Variants in DOCK1 observed in about 807,000 individuals in gnomAD.
DOCK1 encodes the protein dedicator of cytokinesis protein 1.
Under a neutral mutation model 262.7 loss-of-function variants are expected in DOCK1, and 138 were observed. The ratio of observed to expected loss-of-function variants is 0.53; its 90% CI spans 0.46 to 0.61. The LOEUF (loss-of-function observed/expected upper bound fraction) is 0.61. DOCK1 is among the 20% of genes least tolerant of loss of function. The probability of loss-of-function intolerance (pLI) is 0.00; values close to 1 mark genes in which losing one functional copy is unlikely to be tolerated. For missense variants in DOCK1, 1,908 were observed against 2,370.7 expected (o/e 0.80, Z 4.05); for synonymous variants, 866 against 867.4 (o/e 1.00, Z 0.03).
In DOCK1 at chr10:126,905,449, GA is replaced by G. The variant is rs2030541298; in HGVS notation, c.-66del. 2 of 469,262 alleles carry G rather than the reference GA, an allele frequency of 4.3e-6. No individual in the cohort carries two copies. The highest frequency in any genetic ancestry group is 3.9e-6 in the Non-Finnish European group (1 of 254,370). The allele number at this position is 469,262 out of a possible 1,614,324, so 29.1% of individuals were successfully genotyped here. A position where few individuals can be genotyped will look rare whatever the true frequency, so the allele number is the denominator to read the frequency against. The stretch of plus-strand genomic sequence containing the variant: ...TTTCCTCCCCATCCTGTCGCGGCTC[GA>G]AAGGAATGGAAAATGGCGGCCTAGA... On this transcript the variant is annotated 5_prime_UTR_variant, in exon 1 of 52. Coordinates refer to ENST00000623213, the MANE Select transcript of DOCK1 (RefSeq NM_001290223.2).
At chr10:127,235,632 C>T (rs796522418) in intron 27 of DOCK1, among the ~76,000 whole-genome samples, 8 of 152,152 alleles carry the variant, frequency 5.3e-5, no homozygotes, top group African/African-American at 1.9e-4. Flanking sequence ...TTTCATTTCT[C>T]TTGGGTGAAT....
chr10:127,244,697 T>C (rs2059374942), intron 27 of DOCK1, among the ~76,000 whole-genome samples: 1 of 152,220 alleles, frequency 6.6e-6, no homozygotes, highest in South Asian at 2.1e-4. Context: ...AAGTATATCC[T>C]GACTTCTGTG....
intron 23 of DOCK1, among the ~76,000 whole-genome samples, chr10:127,077,953 G>T (rs973751065): frequency 2.0e-5 from 3 of 152,032 alleles, no homozygotes; most frequent in Non-Finnish European, 2.9e-5. Context: ...AGGTGGTGGG[G>T]ATGGGTTGTT....
At chr10:127,222,958 T>G (rs1360391554) in intron 27 of DOCK1, among the ~76,000 whole-genome samples, 1 of 152,176 alleles carries the variant, frequency 6.6e-6, no homozygotes, top group Non-Finnish European at 1.5e-5. Flanking sequence ...ATTATAGGTG[T>G]GAGCCGCTGT....
At chr10:127,205,456 C>A (rs1468170389) in intron 27 of DOCK1, among the ~76,000 whole-genome samples, 5 of 152,114 alleles carry the variant, frequency 3.3e-5, no homozygotes, top group Admixed American at 6.5e-5. Flanking sequence ...TTTTACAGAA[C>A]CTCTACTGAG....
At chr10:127,275,681 G>T (rs1370286490) in intron 29 of DOCK1, among the ~76,000 whole-genome samples, 2 of 152,162 alleles carry the variant, frequency 1.3e-5, no homozygotes, top group Non-Finnish European at 2.9e-5. Context: ...GGAGGGGCTG[G>T]CCTGGAGAGG....
At chr10:126,949,242 C>G (rs1244429476) in intron 1 of DOCK1, among the ~76,000 whole-genome samples, 2 of 152,120 alleles carry the variant, frequency 1.3e-5, no homozygotes, top group African/African-American at 2.4e-5. Flanking sequence ...CCAGCTCCTG[C>G]TCTCCTGCAG....
In DOCK1 at chr10:127,032,235, C is replaced by G; in HGVS notation, c.1827C>G (p.Ser609Arg). 6.2e-7 allele frequency: 1 copy of G among 1,601,148 alleles called. No individual in the cohort carries two copies. Among genetic ancestry groups the G allele is most frequent in the Non-Finnish European group, 8.5e-7 (1 of 1,173,830 alleles). The change falls in exon 18 of 52, where the codon AGC becomes AGG. Residue 609 changes from serine to arginine, a missense_variant. Physicochemically the swap from Ser to Arg is moderately radical, Grantham distance 110. Coordinates refer to ENST00000623213, the MANE Select transcript of DOCK1 (RefSeq NM_001290223.2). ...AGGGCCACTCGGCCACCGGCAAGAG[C>G]ATGCAGAGCCTTGGGAGCTGCACCA... ...EEKGHSATGKSMQSLGSCTIS... is the reference protein window; with the variant it reads ...EEKGHSATGKRMQSLGSCTIS...
At chr10:127,376,133 C>A (rs1432719667) in intron 35 of DOCK1, among the ~76,000 whole-genome samples, 2 of 152,116 alleles carry the variant, frequency 1.3e-5, no homozygotes, top group East Asian at 3.8e-4. Context: ...AATCATCAGA[C>A]CTGCAATTTA....
At chr10:127,173,895 G>A (rs545862825) in intron 27 of DOCK1, among the ~76,000 whole-genome samples, 4 of 152,160 alleles carry the variant, frequency 2.6e-5, no homozygotes, top group African/African-American at 7.2e-5. Flanking sequence ...TGTACATTTG[G>A]CTGGCAGTTC....
chr10:127,378,040 A>G (rs1182676882), intron 35 of DOCK1, among the ~76,000 whole-genome samples: 2 of 152,218 alleles, frequency 1.3e-5, no homozygotes, highest in African/African-American at 4.8e-5. Context: ...TTCTTTAACT[A>G]GAATTTCACT....
At chr10:127,395,093 G>A (rs2066742127) in intron 38 of DOCK1, among the ~76,000 whole-genome samples, 1 of 152,226 alleles carries the variant, frequency 6.6e-6, no homozygotes. Flanking sequence ...AAGAGCTCCT[G>A]ATGACATCTC....
At chr10:127,387,845 C>CA (rs1381640439) in intron 38 of DOCK1, among the ~76,000 whole-genome samples, 6 of 128,252 alleles carry the variant, frequency 4.7e-5, no homozygotes, top group African/African-American at 1.8e-4. Flanking sequence ...AATGATAAAT[C>CA]AAAAAACAGA....
At chr10:127,369,149 T>C (rs2065078487) in intron 33 of DOCK1, among the ~76,000 whole-genome samples, 1 of 152,212 alleles carries the variant, frequency 6.6e-6, no homozygotes, top group Non-Finnish European at 1.5e-5. Flanking sequence ...AAGCCAGTAA[T>C]TGAATAGCCG....
At chr10:127,296,514 C>T (rs980323862) in intron 29 of DOCK1, among the ~76,000 whole-genome samples, 31 of 152,216 alleles carry the variant, frequency 2.0e-4, no homozygotes, top group Non-Finnish European at 4.4e-4. Flanking sequence ...AGAAACCTGC[C>T]GTGTGGAGTG....
intron 27 of DOCK1, among the ~76,000 whole-genome samples, chr10:127,149,584 G>A (rs2052278906): frequency 1.3e-5 from 2 of 152,152 alleles, no homozygotes; most frequent in Non-Finnish European, 2.9e-5. Context: ...GAAACACGGT[G>A]GATAGCTATG....
At chr10:127,410,979 A>T (rs1259677814) in intron 43 of DOCK1, 55 bp downstream of exon 43, 2 of 1,553,748 alleles carry the variant, frequency 1.3e-6, no homozygotes, top group Admixed American at 1.8e-5. Context: ...TTCCGCCACC[A>T]GTAGAACTGC....
intron 38 of DOCK1, among the ~76,000 whole-genome samples, chr10:127,398,974 A>C (rs1049499212): frequency 1.3e-5 from 2 of 152,178 alleles, no homozygotes. Flanking sequence ...ATAAAAGAAA[A>C]TTTTTATTCA....
intron 11 of DOCK1, 148 bp downstream of exon 11, chr10:127,008,952 A>G (rs780821337): frequency 6.6e-5 from 53 of 807,120 alleles, no homozygotes; most frequent in Admixed American, 2.4e-4. Flanking sequence ...CTGCTGTAGT[A>G]CATGGAATTT....
Sources: allele counts gnomAD v4.1 joint callset (sites outside exome capture counted in the v4.1 genomes callset), GRCh38; gene constraint gnomAD v4.1.1; transcripts MANE v1.5; gene names NCBI Gene and HGNC (gene_info 2026-07-23, HGNC 2026-07-21).